The following KCNQ5 variants were observed in gnomAD, a reference collection of about 807,000 sequenced individuals.
KCNQ5 encodes potassium voltage-gated channel subfamily Q member 5.
Under a neutral mutation model 98.2 loss-of-function variants are expected in KCNQ5, and 30 were observed. The ratio of observed to expected loss-of-function variants is 0.31; its 90% CI spans 0.23 to 0.41. The LOEUF (loss-of-function observed/expected upper bound fraction) is 0.41, where lower values mean the gene tolerates loss of function less well. KCNQ5 is among the 10% of genes least tolerant of loss of function. The probability of loss-of-function intolerance (pLI) is 1.00; values close to 1 mark genes in which losing one functional copy is unlikely to be tolerated. For synonymous variants in KCNQ5, 458 were observed against 449.4 expected, an observed-to-expected ratio of 1.02 and a Z score of -0.24; for missense variants, 835 against 1,182.5, an observed-to-expected ratio of 0.71 and a Z score of 4.31.
At chr6:72,750,408 C>A (rs186243905) in intron 1 of KCNQ5, among the ~76,000 whole-genome samples, 2 of 152,176 alleles carry the variant, frequency 1.3e-5, no homozygotes, top group Admixed American at 6.5e-5. Context: ...TGCAGGACTA[C>A]TTAAAGTTTA....
chr6:72,688,670 A>G (rs1768069778), intron 1 of KCNQ5, among the ~76,000 whole-genome samples: 1 of 152,234 alleles, frequency 6.6e-6, no homozygotes, highest in South Asian at 2.1e-4. Context: ...ATGGTCATAC[A>G]TTAAAAAAAT....
chr6:72,699,577 C>T (rs1768689860), intron 1 of KCNQ5, among the ~76,000 whole-genome samples: 2 of 152,114 alleles, frequency 1.3e-5, no homozygotes, highest in South Asian at 4.1e-4. Context: ...CCAATTTCCC[C>T]ACTCTATTAG....
intron 1 of KCNQ5, among the ~76,000 whole-genome samples, chr6:72,773,955 C>T (rs1013041817): frequency 1.3e-5 from 2 of 152,050 alleles, no homozygotes; most frequent in African/African-American, 4.8e-5. Flanking sequence ...CAGAAGCAGA[C>T]CCATGCTTAC....
chr6:73,111,132 T>C (rs1471758129), intron 6 of KCNQ5, among the ~76,000 whole-genome samples, 176 bp from the exon 7 acceptor site: 1 of 152,240 alleles, frequency 6.6e-6, no homozygotes. Flanking sequence ...CAATTTGCCA[T>C]TGGCTATTGG....
chr6:73,040,204 T>C (rs1411877482), intron 2 of KCNQ5, among the ~76,000 whole-genome samples: 2 of 152,218 alleles, frequency 1.3e-5, no homozygotes, highest in East Asian at 3.8e-4. Context: ...GTGTCATCTG[T>C]TTCCATGAAA....
chr6:73,054,037 A>T lies in KCNQ5; in HGVS notation c.616+11975A>T, dbSNP rs191231260. ...GTTACCACCTACCCCACAAAAATTT[A>T]AAAAACCCTCAGAGACTACTAAAAA... On this transcript the variant is annotated intron_variant, in intron 3 of 13. Coordinates refer to ENST00000370398, the MANE Select transcript of KCNQ5 (RefSeq NM_019842.4). Among the ~76,000 whole-genome samples, 302 of 152,296 alleles carry T rather than the reference A, an allele frequency of 2.0e-3. 1 individual carries two copies. Among genetic ancestry groups the T allele is most frequent in the Non-Finnish European group, 2.0e-3 (133 of 68,024 alleles).
At chr6:72,996,134 T>C (rs989389752) in intron 1 of KCNQ5, among the ~76,000 whole-genome samples, 1 of 152,216 alleles carries the variant, frequency 6.6e-6, no homozygotes, top group African/African-American at 2.4e-5. Flanking sequence ...ATATTTGTGA[T>C]TGATATAATA....
intron 1 of KCNQ5, among the ~76,000 whole-genome samples, chr6:72,745,471 C>CA (rs1252855055): frequency 2.0e-5 from 3 of 152,208 alleles, no homozygotes; most frequent in Non-Finnish European, 4.4e-5. Context: ...AGGCTAGAAT[C>CA]AGAGTACTTG....
intron 1 of KCNQ5, among the ~76,000 whole-genome samples, chr6:72,726,205 T>TAAA (rs145136775): frequency 7.7e-6 from 1 of 130,038 alleles, no homozygotes; most frequent in African/African-American, 3.4e-5. Context: ...TTTTTAAATT[T>TAAA]AAATTTTTTT....
At chr6:72,947,043 C>T (rs1415249030) in intron 1 of KCNQ5, among the ~76,000 whole-genome samples, 1 of 152,104 alleles carries the variant, frequency 6.6e-6, no homozygotes, top group Non-Finnish European at 1.5e-5. Context: ...TTAACCATAT[C>T]CCTAGATGAC....
intron 10 of KCNQ5, chr6:73,135,445 T>A: frequency 6.9e-6 from 1 of 145,482 alleles, no homozygotes; most frequent in African/African-American, 2.6e-5. Context: ...AAAAACAAAA[T>A]GTTAGGGGGA....
chr6:72,773,716 T>C (rs1289541341), intron 1 of KCNQ5, among the ~76,000 whole-genome samples: 2 of 152,226 alleles, frequency 1.3e-5, no homozygotes, highest in East Asian at 1.9e-4. Flanking sequence ...TGAAAACATA[T>C]ATTTTTTTAA....
At chr6:73,156,035 A>C (rs7765352) in intron 10 of KCNQ5, among the ~76,000 whole-genome samples, 1 of 151,976 alleles carries the variant, frequency 6.6e-6, no homozygotes, top group Non-Finnish European at 1.5e-5. Flanking sequence ...GGGCCCAAGC[A>C]GTTACTCTAA....
chr6:72,927,160 A>G (rs1765466312), intron 1 of KCNQ5, among the ~76,000 whole-genome samples: 1 of 152,110 alleles, frequency 6.6e-6, no homozygotes. Context: ...GAGGGGGAGG[A>G]TTTATAGGTG....
chr6:72,716,509 C>T (rs1280204510), intron 1 of KCNQ5, among the ~76,000 whole-genome samples: 1 of 152,228 alleles, frequency 6.6e-6, no homozygotes, highest in African/African-American at 2.4e-5. Context: ...AAACCCGGCT[C>T]TAGGGGCTTC....
intron 1 of KCNQ5, among the ~76,000 whole-genome samples, chr6:72,717,809 A>C (rs1769724992): frequency 6.6e-6 from 1 of 152,222 alleles, no homozygotes; most frequent in African/African-American, 2.4e-5. Flanking sequence ...CCATGAATGC[A>C]TTTCCCAAAA....
intron 1 of KCNQ5, among the ~76,000 whole-genome samples, chr6:72,807,736 ACTCCTGAC>A: frequency 6.6e-6 from 1 of 152,054 alleles, no homozygotes; most frequent in African/African-American, 2.4e-5. Context: ...CTGATCTTAA[ACTCCTGAC>A]CTCAAGCAAT....
chr6:72,692,775 A>G (rs1768277032), intron 1 of KCNQ5, among the ~76,000 whole-genome samples: 1 of 152,188 alleles, frequency 6.6e-6, no homozygotes, highest in African/African-American at 2.4e-5. Flanking sequence ...AATATGGTCA[A>G]TGTAGCAAAG....
chr6:72,848,972 T>G (rs1451030365), intron 1 of KCNQ5, among the ~76,000 whole-genome samples: 1 of 152,162 alleles, frequency 6.6e-6, no homozygotes, highest in African/African-American at 2.4e-5. Context: ...AGGTATGTCT[T>G]TATTAACAGT....
Sources: gnomAD v4.1 joint callset for allele counts (sites outside exome capture counted in the v4.1 genomes callset) on GRCh38, gnomAD v4.1.1 for gene constraint, MANE v1.5 for transcripts, NCBI Gene and HGNC (gene_info 2026-07-23, HGNC 2026-07-21) for gene names.